The following COPG2 variants were observed in gnomAD, a reference collection of about 807,000 sequenced individuals.
COPG2 encodes coat protein complex I subunit gamma 2.
Under a neutral mutation model 46.3 loss-of-function variants are expected in COPG2, and 37 were observed. The ratio of observed to expected loss-of-function variants is 0.80; its 90% confidence interval spans 0.61 to 1.05. The LOEUF is 1.05. Among genes scored for constraint, COPG2 ranks in the 50% least tolerant of loss-of-function variants. The probability of loss-of-function intolerance (pLI) is 0.00; values close to 1 mark genes in which losing one functional copy is unlikely to be tolerated. For synonymous variants in COPG2, 159 were observed against 129.7 expected, an observed-to-expected ratio of 1.23 and a Z score of -1.53; for missense variants, 427 against 387.8, an observed-to-expected ratio of 1.10 and a Z score of -0.85.
In COPG2 at chr7:130,600,347, G is replaced by A. The variant is rs547419329; in HGVS notation, c.737+10606C>T. Among the ~76,000 whole-genome samples, 8 of 152,180 alleles carry A rather than the reference G, an allele frequency of 5.3e-5. No individual in the cohort carries two copies. In the South Asian group the frequency reaches 1.0e-3, roughly 20 times the overall value. On this transcript the variant is annotated intron_variant, in intron 9 of 23. Coordinates refer to ENST00000425248, the MANE Select transcript of COPG2 (RefSeq NM_012133.6). The stretch of plus-strand genomic sequence containing the variant: ...ACAATCTTGGCTCACCGCAACCTCC[G>A]CCTCCTGGGTTCAAGAGATTCTCGT...
chr7:130,640,157 CCTT>C (rs1295385907), intron 5 of COPG2, among the ~76,000 whole-genome samples: 1 of 121,194 alleles, frequency 8.3e-6, no homozygotes, highest in Non-Finnish European at 1.8e-5. Flanking sequence ...TCACCACCAA[CCTT>C]TTTTTTTTTT....
intron 9 of COPG2, among the ~76,000 whole-genome samples, chr7:130,568,480 G>T (rs1793841743): frequency 6.6e-6 from 1 of 152,150 alleles, no homozygotes; most frequent in Non-Finnish European, 1.5e-5. Context: ...ATTATATAAT[G>T]ATAAAAGCAC....
chr7:130,571,240 T>C (rs1793892118), intron 9 of COPG2, among the ~76,000 whole-genome samples: 2 of 152,124 alleles, frequency 1.3e-5, no homozygotes, highest in Non-Finnish European at 2.9e-5. Context: ...AAAGAAATAA[T>C]CAGCATAGTA....
intron 7 of COPG2, among the ~76,000 whole-genome samples, chr7:130,612,635 G>C (rs1457192252): frequency 2.6e-5 from 4 of 152,128 alleles, no homozygotes; most frequent in Non-Finnish European, 5.9e-5. Context: ...TCCAGAATCA[G>C]GAACTCTTGT....
At chr7:130,570,108 AGGAAAAAG>A (rs1482623422) in intron 9 of COPG2, among the ~76,000 whole-genome samples, 23 of 152,312 alleles carry the variant, frequency 1.5e-4, no homozygotes, top group African/African-American at 5.5e-4. Flanking sequence ...TATACTGAAC[AGGAAAAAG>A]TTGAAAGCAT....
rs112137127 is a variant in COPG2, at chr7:130,612,360, T to G, written c.493-122A>C. ...CAAGAGGAAGAAAACTATGTAGCTC[T>G]TATAAGTCTATTTTGTGTCTTTACT... is the stretch of plus-strand genomic sequence containing the variant. On this transcript the variant is annotated intron_variant, in intron 7 of 23. Transcript: ENST00000425248. The G allele has an allele frequency of 4.1e-3, 2,587 of 626,240 alleles. 22 individuals are homozygous for G. The highest frequency in any genetic ancestry group is 0.028 in the Middle Eastern group (94 of 3,402). 38.8% of individuals were successfully genotyped at this position (626,240 alleles called of 1,614,324 possible). A position where few individuals can be genotyped will look rare whatever the true frequency, so the allele number is the denominator to read the frequency against.
chr7:130,567,190 A>AT (rs1163089073), intron 9 of COPG2, among the ~76,000 whole-genome samples: 9 of 152,322 alleles, frequency 5.9e-5, no homozygotes, highest in African/African-American at 2.2e-4. Context: ...GAAGCTAAAC[A>AT]TTGAGTGCAC....
chr7:130,642,859 C>T (rs1795519363), intron 5 of COPG2, among the ~76,000 whole-genome samples: 1 of 152,066 alleles, frequency 6.6e-6, no homozygotes, highest in Non-Finnish European at 1.5e-5. Context: ...CACATCTCTA[C>T]TAAAAATACA....
chr7:130,509,738 A>T (rs782652046), intron 20 of COPG2: 1 of 515,502 alleles, frequency 1.9e-6, no homozygotes, highest in Non-Finnish European at 3.9e-6. Context: ...GGAGTTAAAT[A>T]AGTGTGTGGG....
chr7:130,580,581 A>G (rs1554446959), intron 9 of COPG2, among the ~76,000 whole-genome samples: 2 of 126,220 alleles, frequency 1.6e-5, no homozygotes, highest in African/African-American at 6.5e-5. Flanking sequence ...AGGATCAACA[A>G]AATTGATAGA....
chr7:130,649,092 A>C (rs1004979925), intron 5 of COPG2, among the ~76,000 whole-genome samples: 6 of 152,330 alleles, frequency 3.9e-5, no homozygotes, highest in African/African-American at 1.2e-4. Context: ...GATCTTGCCT[A>C]GATAATCCCA....
intron 9 of COPG2, among the ~76,000 whole-genome samples, chr7:130,596,211 G>A (rs1369877820): frequency 6.6e-6 from 1 of 152,164 alleles, no homozygotes; most frequent in Non-Finnish European, 1.5e-5. Context: ...GACCAGCTGC[G>A]CTAAGACACT....
At chr7:130,607,661 A>C (rs575222633) in intron 9 of COPG2, 3 of 517,618 alleles carry the variant, frequency 5.8e-6, no homozygotes, top group South Asian at 1.4e-5. Flanking sequence ...TGATTTTTGT[A>C]GAGTTTAAAA....
intron 5 of COPG2, among the ~76,000 whole-genome samples, chr7:130,641,016 G>A (rs1795453210): frequency 6.6e-6 from 1 of 151,400 alleles, no homozygotes; most frequent in Non-Finnish European, 1.5e-5. Context: ...TAAAATACTA[G>A]AACAGAGGTT....
chr7:130,611,120 A>C lies in COPG2; in HGVS notation c.580-10T>G, dbSNP rs370666864. The stretch of plus-strand genomic sequence containing the variant: ...CTCCCAATGCATGGTACTAAAGAAC[A>C]TGAAAAAGAAGGTAGCACATGGATT... On this transcript the variant is annotated splice_polypyrimidine_tract_variant and intron_variant, in intron 8 of 23. Transcript: ENST00000425248. 4 of 1,606,028 alleles carry C rather than the reference A, an allele frequency of 2.5e-6. No homozygotes were observed. Among genetic ancestry groups the C allele is most frequent in the Non-Finnish European group, 2.6e-6 (3 of 1,175,124 alleles).
chr7:130,526,009 A>G (rs1799771003), intron 20 of COPG2, among the ~76,000 whole-genome samples: 2 of 152,154 alleles, frequency 1.3e-5, no homozygotes, highest in African/African-American at 4.8e-5. Context: ...ATGGGCAGGG[A>G]TGCATCAGCT....
At chr7:130,511,833 A>T (rs530042073) in intron 20 of COPG2, 1 of 519,692 alleles carries the variant, frequency 1.9e-6, no homozygotes, top group African/African-American at 1.9e-5. Flanking sequence ...AGGAGGCAGC[A>T]GCAGACTAGC....
intron 20 of COPG2, among the ~76,000 whole-genome samples, chr7:130,541,802 A>G (rs1346244273): frequency 1.4e-5 from 2 of 143,936 alleles, no homozygotes; most frequent in Non-Finnish European, 3.0e-5. Context: ...CATCTGGTGG[A>G]GCAGTGGGTG....
In COPG2 at chr7:130,588,025, A is replaced by G. The variant is rs369381378; in HGVS notation, c.737+22928T>C. Reference sequence around the variant, plus strand: ...CTTCTCAAAAGAAGACATTTATGCAACCAAAAAACACATGAAAAAATGCTC... The same window carrying G: ...CTTCTCAAAAGAAGACATTTATGCAGCCAAAAAACACATGAAAAAATGCTC... On this transcript the variant is annotated intron_variant, in intron 9 of 23. Transcript: ENST00000425248. Among the ~76,000 whole-genome samples, 312 of 152,290 alleles carry G rather than the reference A, an allele frequency of 2.0e-3. 2 individuals are homozygous for G. Among genetic ancestry groups the G allele is most frequent in the East Asian group, 0.015 (79 of 5,188 alleles).
Sources: gnomAD v4.1 joint callset for allele counts (sites outside exome capture counted in the v4.1 genomes callset) on GRCh38, gnomAD v4.1.1 for gene constraint, MANE v1.5 for transcripts, NCBI Gene and HGNC (gene_info 2026-07-23, HGNC 2026-07-21) for gene names.